Variants in SEPTIN3 observed in about 807,000 individuals in gnomAD.
SEPTIN3 encodes the protein septin 3.
Under a neutral mutation model 45.1 loss-of-function variants are expected in SEPTIN3, and 15 were observed. The ratio of observed to expected loss-of-function variants is 0.33; its 90% confidence interval spans 0.22 to 0.51. The LOEUF is 0.51. Ranked by LOEUF, SEPTIN3 falls within the 20% of genes least tolerant of loss-of-function variation. SEPTIN3 has a pLI of 0.97. For synonymous variants in SEPTIN3, 148 were observed against 164.8 expected, an observed-to-expected ratio of 0.90 and a Z score of 0.78; for missense variants, 289 against 457.2, an observed-to-expected ratio of 0.63 and a Z score of 3.35.
Position 41,971,818 on chromosome 22 carries a change from T to C in SEPTIN3, c.326T>C (p.Ile109Thr), listed in dbSNP as rs988411917. ...SSLVPRKLSS[I>T]SLTLHQNSQA... is the part of the protein sequence containing the mutation. The stretch of plus-strand genomic sequence containing the variant: ...CTTGTACCCAGGAAGCTCAGCTCCA[T>C]CTCCTTGACTCTCCATCAGAACAGC... The change falls in exon 2 of 12, where the codon ATC becomes ACC. Residue 109 changes from isoleucine (I) to threonine (T), a missense_variant. Transcript: ENST00000644076. The C allele has an allele frequency of 5.0e-6, 2 of 399,092 alleles. No individual in the cohort carries two copies. Among genetic ancestry groups the C allele is most frequent in the Admixed American group, 4.4e-5 (1 of 22,692 alleles). The allele number at this position is 399,092 out of a possible 1,614,324, so 24.7% of individuals were successfully genotyped here.
chr22:41,975,478 C>T lies in SEPTIN3; in HGVS notation c.1504+2482C>T, dbSNP rs541715022. On this transcript the variant is annotated intron_variant, in intron 2 of 11. Transcript: ENST00000644076. ...CACTTCTCCCTACGAGATCTCAGCT[C>T]TCCCTCCATCTGCAGCCCAGCCCTG... is the stretch of plus-strand genomic sequence containing the variant. Among the ~76,000 whole-genome samples the T allele has an allele frequency of 8.4e-4, 128 of 152,310 alleles. 1 individual carries two copies. Among genetic ancestry groups the T allele is most frequent in the African/African-American group, 3.1e-3 (127 of 41,570 alleles).
intron 2 of SEPTIN3, among the ~76,000 whole-genome samples, chr22:41,974,597 A>G (rs1480515386): frequency 1.1e-4 from 16 of 150,590 alleles, no homozygotes; most frequent in Non-Finnish European, 1.5e-5. Context: ...CAGGAGGCAG[A>G]GCTTGCAGTG....
At chr22:41,970,909 G>A (rs187176973) in intron 1 of SEPTIN3, among the ~76,000 whole-genome samples, 13 of 152,304 alleles carry the variant, frequency 8.5e-5, no homozygotes, top group Non-Finnish European at 1.0e-4. Flanking sequence ...TCTGACTCCA[G>A]CACTAGGCCA....
intron 11 of SEPTIN3, 95 bp from the exon 12 acceptor site, chr22:41,996,807 G>A (rs1062753): frequency 0.29 from 451,272 of 1,572,938 alleles, 68,377 homozygotes; most frequent in Admixed American, 0.43. Context: ...TGGCACCCCT[G>A]AACCATGATC....
At chr22:41,987,909 G>A in intron 6 of SEPTIN3, 150 bp downstream of exon 6, 1 of 716,700 alleles carries the variant, frequency 1.4e-6, no homozygotes, top group Non-Finnish European at 2.1e-6. Context: ...CATAGTCATG[G>A]CCCATGACCT....
intron 9 of SEPTIN3, 74 bp downstream of exon 9, chr22:41,992,837 G>A (rs133299): frequency 0.77 from 774,853 of 1,002,748 alleles, 300,618 homozygotes; most frequent in East Asian, 0.9. Context: ...GCATCTATAG[G>A]TCAAGGCACT....
chr22:41,987,402 C>A (rs1249811019), intron 5 of SEPTIN3, 115 bp downstream of exon 5: 9 of 1,160,894 alleles, frequency 7.8e-6, no homozygotes, highest in Non-Finnish European at 1.1e-5. Context: ...CTGTAGTTCC[C>A]GACAGCCCAG....
At chr22:41,993,427 T>C (rs2097561) in intron 9 of SEPTIN3, among the ~76,000 whole-genome samples, 44,343 of 151,874 alleles carry the variant, frequency 0.29, 6,962 homozygotes, top group Admixed American at 0.37. Context: ...CAGGTTCAAG[T>C]AATTCTTCTG....
chr22:41,973,214 A>G (rs1034352385), intron 2 of SEPTIN3, among the ~76,000 whole-genome samples: 5 of 152,094 alleles, frequency 3.3e-5, no homozygotes, highest in Non-Finnish European at 7.4e-5. Context: ...GGTCAGGCTG[A>G]GGGAAACTAT....
chr22:41,987,097 A>G (rs1245719609), intron 4 of SEPTIN3, 109 bp from the exon 5 acceptor site: 2 of 766,068 alleles, frequency 2.6e-6, no homozygotes, highest in Admixed American at 2.9e-5. Flanking sequence ...GACTTTTCCA[A>G]TAACTGATCC....
At chr22:41,977,761 A>G (rs2078053648) in intron 2 of SEPTIN3, among the ~76,000 whole-genome samples, 1 of 152,060 alleles carries the variant, frequency 6.6e-6, no homozygotes, top group Non-Finnish European at 1.5e-5. Context: ...CCCAGCTGCT[A>G]CCTTCCTAAC....
intron 3 of SEPTIN3, among the ~76,000 whole-genome samples, chr22:41,985,289 C>T (rs1214530056): frequency 6.6e-6 from 1 of 152,216 alleles, no homozygotes; most frequent in Non-Finnish European, 1.5e-5. Flanking sequence ...CCCTGCCTGC[C>T]CAGCCTCCTC....
intron 2 of SEPTIN3, among the ~76,000 whole-genome samples, chr22:41,980,230 C>T (rs1184733562): frequency 1.3e-5 from 2 of 149,806 alleles, no homozygotes; most frequent in Admixed American, 1.3e-4. Context: ...CTCCGCCTTC[C>T]GATTTCAAGC....
Position 41,996,930 on chromosome 22 carries a change from C to T in SEPTIN3, c.2534C>T (p.Pro845Leu). The change falls in exon 12 of 12, where the codon CCA becomes CTA. Residue 845 changes from proline (P) to leucine (L), a missense_variant. Physicochemically the swap from Pro to Leu is moderately conservative, Grantham distance 98 (BLOSUM62 -3). Coordinates refer to ENST00000644076, the MANE Select transcript of SEPTIN3 (RefSeq NM_001363845.2). ...GAAGGCCTCCTGGGCACTGTCCTTC[C>T]ACCTGTGCCAGCCACCCCCTGCCCC... ...PGEGLLGTVL[P>L]PVPATPCPTA... 3 of 1,614,088 alleles carry T rather than the reference C, an allele frequency of 1.9e-6. No individual in the cohort carries two copies. Among genetic ancestry groups the T allele is most frequent in the Non-Finnish European group, 2.5e-6 (3 of 1,179,950 alleles).
rs1361846108 is a variant in SEPTIN3, at chr22:41,981,637, C to T, written c.1505-8C>T. 9 of 1,607,334 alleles carry T rather than the reference C, an allele frequency of 5.6e-6. No individual in the cohort carries two copies. Among genetic ancestry groups the T allele is most frequent in the African/African-American group, 1.3e-5 (1 of 74,822 alleles). On this transcript the variant is annotated splice_region_variant and splice_polypyrimidine_tract_variant and intron_variant, in intron 2 of 11. Transcript: ENST00000644076. ...ACCCCTCCGACCCCTCCCACCTTGG[C>T]TCTGCAGGGCTCCCAGAGACCAGGA...
intron 6 of SEPTIN3, 42 bp from the exon 7 acceptor site, chr22:41,989,525 G>A (rs1455740608): frequency 7.4e-7 from 1 of 1,359,008 alleles, no homozygotes; most frequent in East Asian, 2.3e-5. Context: ...GAGTTGGGGA[G>A]GGCAAGGTGG....
intron 2 of SEPTIN3, among the ~76,000 whole-genome samples, chr22:41,974,715 T>G (rs548753527): frequency 1.1e-3 from 157 of 147,806 alleles, no homozygotes; most frequent in Non-Finnish European, 1.8e-3. Flanking sequence ...TGAAACCCCG[T>G]CTCTACTAAA....
intron 2 of SEPTIN3, among the ~76,000 whole-genome samples, chr22:41,978,893 TGGA>T (rs71184852): frequency 0.031 from 3,707 of 120,354 alleles, 116 homozygotes; most frequent in African/African-American, 0.073. Context: ...GGCTGAATGC[TGGA>T]GGAGGAGGAG....
At chr22:41,995,267 G>T in intron 11 of SEPTIN3, 1 of 991,474 alleles carries the variant, frequency 1.0e-6, no homozygotes, top group Non-Finnish European at 1.2e-6. Context: ...GTGGTCTGGG[G>T]GTAAGGCTGG....
Sources: allele counts gnomAD v4.1 joint callset (sites outside exome capture counted in the v4.1 genomes callset), GRCh38; gene constraint gnomAD v4.1.1; transcripts MANE v1.5; gene names NCBI Gene and HGNC (gene_info 2026-07-23, HGNC 2026-07-21).